Variants in DNAH17 observed in about 807,000 individuals in gnomAD.
DNAH17 encodes the protein dynein axonemal heavy chain 17.
Under a neutral mutation model 485.6 loss-of-function variants are expected in DNAH17, and 376 were observed. The ratio of observed to expected loss-of-function variants is 0.77; its 90% confidence interval spans 0.71 to 0.84. The LOEUF is 0.84. Ranked by LOEUF, DNAH17 falls within the 40% of genes least tolerant of loss-of-function variation. The pLI, the probability that DNAH17 is intolerant of heterozygous loss-of-function variation, is 0.00. For missense variants in DNAH17, 6,370 were observed against 5,839.3 expected, an observed-to-expected ratio of 1.09 and a Z score of -2.96; for synonymous variants, 3,031 against 2,405.9, an observed-to-expected ratio of 1.26 and a Z score of -7.60.
At chr17:78,461,981 G>A (rs564278516) in intron 57 of DNAH17, among the ~76,000 whole-genome samples, 14 of 152,076 alleles carry the variant, frequency 9.2e-5, no homozygotes, top group African/African-American at 3.1e-4. Context: ...CTGCAGCCTG[G>A]GCAACCGAGT....
At chr17:78,556,964 C>T (rs2092037229) in intron 14 of DNAH17, among the ~76,000 whole-genome samples, 1 of 152,222 alleles carries the variant, frequency 6.6e-6, no homozygotes, top group South Asian at 2.1e-4. Context: ...ACTCGGCTTC[C>T]AGGGCCTCGT....
At chr17:78,531,246 G>A (rs961611146) in intron 20 of DNAH17, among the ~76,000 whole-genome samples, 8 of 151,564 alleles carry the variant, frequency 5.3e-5, no homozygotes, top group African/African-American at 1.7e-4. Flanking sequence ...TAGATATGTA[G>A]AATTGTTAAA....
chr17:78,565,650 G>A (rs2092251916), intron 11 of DNAH17, among the ~76,000 whole-genome samples: 2 of 152,184 alleles, frequency 1.3e-5, no homozygotes, highest in African/African-American at 4.8e-5. Flanking sequence ...GCAAAACCTT[G>A]TCTCTACAGA....
At position 78,425,359 on chromosome 17, in the gene DNAH17, T is replaced by C. The variant is rs2086396183; in HGVS notation, c.13128A>G (p.Gly4376=). 1 of 1,613,826 alleles carries C rather than the reference T, an allele frequency of 6.2e-7. No homozygotes were observed. Among genetic ancestry groups the C allele is most frequent in the Non-Finnish European group, 8.5e-7 (1 of 1,179,828 alleles). ...AGCCCTCCTTACCTTCCATGAAGAG[T>C]CCGTACACGTAGGAGCCCTCTCGCG... ...APPREGSYVY[G]LFMEGARWDT... is the part of the protein sequence containing the mutation. The change falls in exon 80 of 81, where the codon GGA becomes GGG. Residue 4376 remains glycine, a synonymous_variant. Transcript: ENST00000389840.
intron 60 of DNAH17, among the ~76,000 whole-genome samples, chr17:78,459,525 G>T (rs114930521): frequency 6.6e-6 from 1 of 152,242 alleles, no homozygotes; most frequent in Non-Finnish European, 1.5e-5. Flanking sequence ...CAATGCATGT[G>T]CTCGTGTGGT....
chr17:78,504,811 T>C (rs1380883398), intron 31 of DNAH17, among the ~76,000 whole-genome samples: 2 of 151,460 alleles, frequency 1.3e-5, no homozygotes, highest in African/African-American at 2.4e-5. Flanking sequence ...GTGATGGGAA[T>C]TGGCAGTTCA....
In DNAH17 at chr17:78,517,988, C is replaced by T. The variant is rs186588148; in HGVS notation, c.3865-2966G>A. On this transcript the variant is annotated intron_variant, in intron 25 of 80. Coordinates refer to ENST00000389840, the MANE Select transcript of DNAH17 (RefSeq NM_173628.4). ...AATGTTGATATCAGTGACTGTCAAA[C>T]AGCCACTAAGAAAACTATATAAAGC... Among the ~76,000 whole-genome samples the T allele has an allele frequency of 4.6e-5, 7 of 152,310 alleles. No homozygotes were observed. The East Asian group carries it at 1.3e-3, about 29-fold the overall frequency.
chr17:78,506,656 G>A (rs1022292689), intron 30 of DNAH17, 64 bp downstream of exon 30: 71 of 1,609,168 alleles, frequency 4.4e-5, no homozygotes, highest in South Asian at 3.9e-4. Flanking sequence ...TTGAGGTAGA[G>A]GTGCCCACCT....
intron 26 of DNAH17, chr17:78,510,756 C>CCCA (rs1568178425): frequency 7.1e-6 from 3 of 423,300 alleles, no homozygotes; most frequent in Admixed American, 3.4e-5. Context: ...TTGCGGCCCC[C>CCCA]CCGCAAAATT....
At chr17:78,453,045 A>C (rs2087623482) in intron 65 of DNAH17, among the ~76,000 whole-genome samples, 1 of 152,214 alleles carries the variant, frequency 6.6e-6, no homozygotes, top group Non-Finnish European at 1.5e-5. Context: ...TGCAGTCCCA[A>C]GATTTGCAAA....
Position 78,449,423 on chromosome 17 carries a change from A to G in DNAH17, c.11202T>C (p.Val3734=), listed in dbSNP as rs1357272104. 3 of 1,549,620 alleles carry G rather than the reference A, an allele frequency of 1.9e-6. No homozygotes were observed. The highest frequency in any genetic ancestry group is 2.6e-6 in the Non-Finnish European group (3 of 1,145,834). The part of the protein sequence containing the change: ...ERDKLIFLAQ[V]TFQVLSMKKE... ...TGAGGCTAGACATTACCTGAAACGT[A>G]ACTTGTGCCAGGAAAATGAGTTTGT... Residue 3734 remains valine (V), a synonymous_variant, in exon 69 of 81, where the codon GTT becomes GTC. Coordinates refer to ENST00000389840, the MANE Select transcript of DNAH17 (RefSeq NM_173628.4).
At chr17:78,499,181 TC>T in intron 36 of DNAH17, 69 bp from the exon 37 acceptor site, 2 of 1,065,564 alleles carry the variant, frequency 1.9e-6, no homozygotes, top group Non-Finnish European at 2.6e-6. Flanking sequence ...TGCAGGGGCC[TC>T]CCCCTGCCTC....
rs1340902482 is a variant in DNAH17 at position 78,501,398 on chromosome 17, G to A, written c.5323-54C>T. ...CAGGTGGAATACAAGAGCTAGGGCT[G>A]CCTAAGGAAGGCCAGCATGCCTCCA... On this transcript the variant is annotated intron_variant, in intron 34 of 80. Coordinates refer to ENST00000389840, the MANE Select transcript of DNAH17 (RefSeq NM_173628.4). 6 of 1,535,228 alleles carry A rather than the reference G, an allele frequency of 3.9e-6. No individual in the cohort carries two copies. In the African/African-American group the frequency reaches 6.8e-5, roughly 17 times the overall value.
chr17:78,574,215 C>T (rs1300150974), intron 2 of DNAH17, among the ~76,000 whole-genome samples: 10 of 152,178 alleles, frequency 6.6e-5, no homozygotes, highest in Admixed American at 4.6e-4. Context: ...TGTGGCCGGG[C>T]ATGATGGCTC....
intron 25 of DNAH17, among the ~76,000 whole-genome samples, chr17:78,515,738 C>G (rs925375197): frequency 2.0e-5 from 3 of 152,226 alleles, no homozygotes; most frequent in Non-Finnish European, 4.4e-5. Context: ...ACAGCCTGCA[C>G]TGTGGAACCA....
intron 31 of DNAH17, among the ~76,000 whole-genome samples, chr17:78,503,432 A>C (rs2090374772): frequency 6.9e-6 from 1 of 145,016 alleles, no homozygotes; most frequent in African/African-American, 2.6e-5. Context: ...TGATCCGCCC[A>C]CCTCGGCCTC....
Position 78,515,633 on chromosome 17 carries a change from T to G in DNAH17, c.3865-611A>C, listed in dbSNP as rs572602967. On this transcript the variant is annotated intron_variant, in intron 25 of 80. Coordinates refer to ENST00000389840, the MANE Select transcript of DNAH17 (RefSeq NM_173628.4). ...CACTTCTCAGTATGTCCATGTAGCT[T>G]GTCTTGGCCAAGGAAAGGTGAGTGA... 8.5e-5 allele frequency among the ~76,000 whole-genome samples: 13 copies of G among 152,344 alleles called. No individual in the cohort carries two copies. The South Asian group carries it at 2.7e-3, about 32-fold the overall frequency.
rs1453029703 is a variant in DNAH17 at position 78,494,175 on chromosome 17, TG to T, written c.6271-3del. 3.1e-6 allele frequency: 5 copies of T among 1,608,052 alleles called. No individual in the cohort carries two copies. Among genetic ancestry groups the T allele is most frequent in the Non-Finnish European group, 1.7e-6 (2 of 1,176,770 alleles). ...CTCCACGATGCTCTGCTTGATGATC[TG>T]GGGAGACATGGATGAGGCTGGGTGA... is the stretch of plus-strand genomic sequence containing the variant. On this transcript the variant is annotated splice_region_variant and splice_polypyrimidine_tract_variant and intron_variant, in intron 40 of 80. Transcript: ENST00000389840.
At position 78,560,718 on chromosome 17, in the gene DNAH17, G is replaced by A. The variant is rs142128078; in HGVS notation, c.2031+22C>T. On this transcript the variant is annotated intron_variant, in intron 13 of 80. Transcript: ENST00000389840. ...CCCGCTCCCAAGGAGCCTTTGACGC[G>A]GTCCCCACTCCTGGCACCCACCGCT... The A allele has an allele frequency of 1.3e-3, 1,947 of 1,533,654 alleles. 14 individuals are homozygous for A. The African/African-American group carries it at 0.023, about 18-fold the overall frequency.
Sources: allele counts gnomAD v4.1 joint callset (sites outside exome capture counted in the v4.1 genomes callset), GRCh38; gene constraint gnomAD v4.1.1; transcripts MANE v1.5; gene names NCBI Gene and HGNC (gene_info 2026-07-23, HGNC 2026-07-21).